The following CELSR1 variants were observed in gnomAD, a reference collection of about 807,000 sequenced individuals.
The protein encoded by CELSR1 is adhesion G protein-coupled receptor C1.
Under a neutral mutation model 249.1 loss-of-function variants are expected in CELSR1, and 110 were observed. That is an observed-to-expected ratio of 0.44 (90% CI 0.38 to 0.52). The LOEUF (loss-of-function observed/expected upper bound fraction) is 0.52. Ranked by LOEUF, CELSR1 falls within the 20% of genes least tolerant of loss-of-function variation. The probability of loss-of-function intolerance (pLI) is 0.00; values close to 1 mark genes in which losing one functional copy is unlikely to be tolerated. For missense variants in CELSR1, 4,109 were observed against 4,296.4 expected (o/e 0.96, Z 1.22); for synonymous variants, 2,113 against 1,900.0 (o/e 1.11, Z -2.92).
At chr22:46,365,485 T>C (rs2078758764) in intron 31 of CELSR1, 101 bp downstream of exon 31, 2 of 1,551,850 alleles carry the variant, frequency 1.3e-6, no homozygotes, top group Non-Finnish European at 1.7e-6. Flanking sequence ...ACGCTGAGCA[T>C]GGCGAGGCTG....
Position 46,471,998 on chromosome 22 carries a change from G to C in CELSR1, c.3545-7653C>G, listed in dbSNP as rs145568587. On this transcript the variant is annotated intron_variant, in intron 1 of 34. Transcript: ENST00000674500. The surrounding 1 kb of genome is among the most constrained non-coding windows in gnomAD (Gnocchi z 4.9). ...CACAGTTTGGGGTCTGCTTGATTCC[G>C]GGAGGCACGGCACCCACCCAGCACT... Among the ~76,000 whole-genome samples, 1 of 152,238 alleles carries C rather than the reference G, an allele frequency of 6.6e-6. No individual in the cohort carries two copies. Among genetic ancestry groups the C allele is most frequent in the Admixed American group, 6.5e-5 (1 of 15,290 alleles).
rs1170845350 is a variant in CELSR1, at chr22:46,517,998, G to A, written c.3544+15629C>T. The stretch of plus-strand genomic sequence containing the variant: ...GCTCACTGCAACCTCTGCCTCCTGC[G>A]TTCAAGTGATTCTCCTGCCTCAGCC... On this transcript the variant is annotated intron_variant, in intron 1 of 34. Transcript: ENST00000674500. The surrounding 1 kb of genome is among the most constrained non-coding windows in gnomAD (Gnocchi z 5.4). Among the ~76,000 whole-genome samples, 3 of 151,352 alleles carry A rather than the reference G, an allele frequency of 2.0e-5. No homozygotes were observed. Among genetic ancestry groups the A allele is most frequent in the African/African-American group, 4.9e-5 (2 of 41,102 alleles).
chr22:46,504,691 G>A (rs1402198267), intron 1 of CELSR1, among the ~76,000 whole-genome samples: 1 of 152,188 alleles, frequency 6.6e-6, no homozygotes, highest in East Asian at 1.9e-4. Context: ...CTTCACACAC[G>A]GCTGGCTCTA....
At chr22:46,477,486 G>A (rs16995292) in intron 1 of CELSR1, among the ~76,000 whole-genome samples, 2 of 148,210 alleles carry the variant, frequency 1.3e-5, no homozygotes, top group South Asian at 2.2e-4. Context: ...CAACGAGCCT[G>A]TTTTTTTGTT....
In CELSR1 at chr22:46,390,254, GC is replaced by G. The variant is rs2079074760; in HGVS notation, c.6345+137del. ...GGAACCTGCTGGCTCCAGGCTGCGG[GC>G]CCGTGGGGCTGTCCCTGCGCCATCC... On this transcript the variant is annotated intron_variant, in intron 17 of 34. Coordinates refer to ENST00000674500, the MANE Select transcript of CELSR1 (RefSeq NM_001378328.1). This position sits in a 1 kb window ranked among gnomAD's most constrained non-coding sequence, Gnocchi z 6.3. 3.1e-6 allele frequency: 2 copies of G among 645,366 alleles called. No homozygotes were observed. Among genetic ancestry groups the G allele is most frequent in the Non-Finnish European group, 5.1e-6 (2 of 393,464 alleles). The allele number at this position is 645,366 out of a possible 1,614,324, so 40.0% of individuals were successfully genotyped here.
intron 1 of CELSR1, among the ~76,000 whole-genome samples, chr22:46,495,128 C>A (rs1054213057): frequency 2.5e-4 from 38 of 152,114 alleles, no homozygotes; most frequent in Non-Finnish European, 7.4e-5. Context: ...TAGGCTTAGA[C>A]CCAGCTGGTA....
At position 46,408,057 on chromosome 22, in the gene CELSR1, T is replaced by C. The variant is rs1448325623; in HGVS notation, c.5226+939A>G. On this transcript the variant is annotated intron_variant, in intron 9 of 34. Transcript: ENST00000674500. The surrounding 1 kb of genome is among the most constrained non-coding windows in gnomAD (Gnocchi z 4.6). Reference sequence around the variant, plus strand: ...GATGACAGAAGACAGGGCTCATAACTGTTTCTCAAACAAAGTGTCTACGGA... The same window carrying C: ...GATGACAGAAGACAGGGCTCATAACCGTTTCTCAAACAAAGTGTCTACGGA... Among the ~76,000 whole-genome samples the C allele has an allele frequency of 6.7e-6, 1 of 149,894 alleles. No individual in the cohort carries two copies. The highest frequency in any genetic ancestry group is 2.6e-5 in the African/African-American group (1 of 39,178).
chr22:46,369,763 C>T lies in CELSR1; in HGVS notation c.7801G>A (p.Asp2601Asn), dbSNP rs777578706. 12 of 1,613,168 alleles carry T rather than the reference C, an allele frequency of 7.4e-6. No individual in the cohort carries two copies. The highest frequency in any genetic ancestry group is 2.7e-5 in the African/African-American group (2 of 74,914). ...GLDPQGYGNPDFCWLSLQDTL... is the reference protein window; with the variant it reads ...GLDPQGYGNPNFCWLSLQDTL... ...TCTTGAAGCGACAGCCAGCAGAAGT[C>T]GGGGTTCCCGTAGCCCTGGGGGTCC... is the stretch of plus-strand genomic sequence containing the variant. The change falls in exon 26 of 35, where the codon GAC becomes AAC. Residue 2601 changes from aspartate (D) to asparagine (N), a missense_variant. Asp to Asn is a conservative substitution (Grantham distance 23). Around this residue, in one of 7 missense-constraint regions of CELSR1, gnomAD observed 1,805 missense variants for 1,831.6 expected, o/e 0.99. Transcript: ENST00000674500.
chr22:46,492,679 G>C (rs2080378726), intron 1 of CELSR1, among the ~76,000 whole-genome samples: 1 of 152,106 alleles, frequency 6.6e-6, no homozygotes, highest in South Asian at 2.1e-4. Context: ...ACAAAAATTA[G>C]CTGGGCGTGT....
chr22:46,435,668 C>T (rs1201182340), intron 4 of CELSR1, among the ~76,000 whole-genome samples: 5 of 152,106 alleles, frequency 3.3e-5, no homozygotes, highest in Non-Finnish European at 7.3e-5. Context: ...TCCACATTTC[C>T]AGCACTATAA....
intron 5 of CELSR1, among the ~76,000 whole-genome samples, chr22:46,431,324 C>G (rs1226264315): frequency 6.6e-6 from 1 of 152,204 alleles, no homozygotes; most frequent in Admixed American, 6.5e-5. Flanking sequence ...GGCTGCGAGT[C>G]CCTCTGCAAC....
rs1249870091 is a variant in CELSR1, at chr22:46,534,990, G to A, written c.2181C>T (p.Gly727=). 1 of 1,611,922 alleles carries A rather than the reference G, an allele frequency of 6.2e-7. No homozygotes were observed. The highest frequency in any genetic ancestry group is 1.1e-5 in the South Asian group (1 of 91,054). ...TGAGTGCAAAGCGGTTCCGGGTGTT[G>A]CCGCCTGTGAGCTGGTAGGTAATCA... ...NSVITYQLTG[G]NTRNRFALSS... Residue 727 remains glycine (G), a synonymous_variant, in exon 1 of 35, where the codon GGC becomes GGT. Transcript: ENST00000674500. The surrounding 1 kb of genome is among the most constrained non-coding windows in gnomAD (Gnocchi z 9.7).
rs1421565553 is a variant in CELSR1 at position 46,440,373 on chromosome 22, G to C, written c.4184-962C>G. On this transcript the variant is annotated intron_variant, in intron 2 of 34. Coordinates refer to ENST00000674500, the MANE Select transcript of CELSR1 (RefSeq NM_001378328.1). The surrounding 1 kb of genome is among the most constrained non-coding windows in gnomAD (Gnocchi z 4.7). ...ACATGGGGAGTTAGGCTAATTTTTT[G>C]TATTTTTAGTAGAGACGGGGATTCA... Among the ~76,000 whole-genome samples the C allele has an allele frequency of 6.6e-6, 1 of 152,126 alleles. No individual in the cohort carries two copies. The highest frequency in any genetic ancestry group is 1.5e-5 in the Non-Finnish European group (1 of 68,004).
chr22:46,416,053 C>G (rs1286499315), intron 5 of CELSR1, among the ~76,000 whole-genome samples: 1 of 144,854 alleles, frequency 6.9e-6, no homozygotes, highest in African/African-American at 2.7e-5. Flanking sequence ...CCAGGAAAAG[C>G]ACTTGGTGGC....
intron 2 of CELSR1, among the ~76,000 whole-genome samples, chr22:46,444,074 C>T (rs1212546998): frequency 6.6e-6 from 1 of 152,218 alleles, no homozygotes; most frequent in Non-Finnish European, 1.5e-5. Flanking sequence ...GTAGTAAGAA[C>T]CCAGGCTGGG....
rs2079657841 is a variant in CELSR1, at chr22:46,436,155, C to T, written c.4522+19G>A. 6.2e-7 allele frequency: 1 copy of T among 1,603,700 alleles called. No individual in the cohort carries two copies. The highest frequency in any genetic ancestry group is 8.5e-7 in the Non-Finnish European group (1 of 1,171,110). On this transcript the variant is annotated intron_variant, in intron 4 of 34. Coordinates refer to ENST00000674500, the MANE Select transcript of CELSR1 (RefSeq NM_001378328.1). This position sits in a 1 kb window ranked among gnomAD's most constrained non-coding sequence, Gnocchi z 5.9. The stretch of plus-strand genomic sequence containing the variant: ...CTGTGAATTGCTCAGAGCTGCCCTT[C>T]CTGGGGAGAAGGCCCCACCTGCAGA...
intron 23 of CELSR1, 132 bp from the exon 24 acceptor site, chr22:46,377,393 G>A (rs2078930994): frequency 2.0e-6 from 2 of 985,866 alleles, no homozygotes; most frequent in Non-Finnish European, 3.0e-6. Context: ...CTGGGCTGGG[G>A]AGGCCGAGTG....
intron 5 of CELSR1, among the ~76,000 whole-genome samples, chr22:46,422,141 T>G (rs1037223273): frequency 2.0e-4 from 31 of 152,292 alleles, no homozygotes; most frequent in African/African-American, 6.7e-4. Context: ...AGTCTCACTC[T>G]GTCGCCCAGG....
intron 1 of CELSR1, among the ~76,000 whole-genome samples, chr22:46,529,466 C>G (rs2080770711): frequency 6.6e-6 from 1 of 151,670 alleles, no homozygotes; most frequent in African/African-American, 2.4e-5. Flanking sequence ...AAGGGGGTAG[C>G]AGGAGGAAGG....
Sources: gnomAD v4.1 joint callset for allele counts (sites outside exome capture counted in the v4.1 genomes callset) on GRCh38, gnomAD v4.1.1 for gene constraint, gnomAD v4.1.1 regional missense constraint, Gnocchi (gnomAD v3.1) non-coding constraint, MANE v1.5 for transcripts, NCBI Gene and HGNC (gene_info 2026-07-23, HGNC 2026-07-21) for gene names.